Variants in MORC1 observed in about 807,000 individuals in gnomAD.
The protein encoded by MORC1 is MORC family CW-type zinc finger protein 1.
MORC1 carries 59 observed loss-of-function variants against 134.9 expected under a neutral mutation model. That is an observed-to-expected ratio of 0.44 (90% CI 0.35 to 0.54). MORC1 has a LOEUF of 0.54. Among genes scored for constraint, MORC1 ranks in the 20% least tolerant of loss-of-function variants. MORC1 has a pLI of 0.00. For synonymous variants in MORC1, 395 were observed against 391.7 expected, an observed-to-expected ratio of 1.01 and a Z score of -0.10; for missense variants, 947 against 1,134.5, an observed-to-expected ratio of 0.83 and a Z score of 2.37.
intron 15 of MORC1, 112 bp downstream of exon 15, chr3:109,035,228 G>C (rs1054188426): frequency 2.0e-6 from 2 of 1,014,218 alleles, no homozygotes; most frequent in Non-Finnish European, 2.9e-6. Flanking sequence ...GTAAACTCCT[G>C]GAAAGCAAGA....
chr3:109,111,084 G>C (rs1951160530), intron 2 of MORC1, among the ~76,000 whole-genome samples: 1 of 148,642 alleles, frequency 6.7e-6, no homozygotes, highest in Non-Finnish European at 1.5e-5. Context: ...AAAGCTGGCT[G>C]GCAAATAATC....
At chr3:109,082,167 T>C (rs1327428638) in intron 8 of MORC1, among the ~76,000 whole-genome samples, 1 of 151,910 alleles carries the variant, frequency 6.6e-6, no homozygotes, top group African/African-American at 2.4e-5. Context: ...GGCAGTGCTC[T>C]GATGATTTAC....
intron 17 of MORC1, among the ~76,000 whole-genome samples, chr3:109,016,006 C>T (rs1019413163): frequency 6.6e-6 from 1 of 152,054 alleles, no homozygotes; most frequent in Non-Finnish European, 1.5e-5. Flanking sequence ...ACATGAAAAC[C>T]ATTTATGTTT....
intron 1 of MORC1, among the ~76,000 whole-genome samples, chr3:109,114,728 T>C (rs1210403180): frequency 1.3e-5 from 2 of 152,260 alleles, no homozygotes; most frequent in Non-Finnish European, 2.9e-5. Flanking sequence ...TTAATATTAC[T>C]TTATAAGCAT....
At chr3:109,020,185 G>T (rs1948921510) in intron 17 of MORC1, among the ~76,000 whole-genome samples, 2 of 152,220 alleles carry the variant, frequency 1.3e-5, no homozygotes, top group African/African-American at 4.8e-5. Flanking sequence ...ATCTGCTCCT[G>T]TTCAGATGCA....
intron 21 of MORC1, among the ~76,000 whole-genome samples, chr3:108,990,679 G>A (rs921691979): frequency 7.9e-5 from 12 of 152,112 alleles, no homozygotes; most frequent in African/African-American, 2.9e-4. Flanking sequence ...TGGAAGCTCT[G>A]CAAAGGCAGG....
rs78730408 is a variant in MORC1 at position 109,114,520 on chromosome 3, G to T, written c.66-83C>A. ...AGCTTTAAGATTCTTGCAGACAAAC[G>T]TTCTCCAGTTCCAGACATCTAGTGA... On this transcript the variant is annotated intron_variant, in intron 1 of 27. Coordinates refer to ENST00000232603, the MANE Select transcript of MORC1 (RefSeq NM_014429.4). 9.1e-4 allele frequency: 1,067 copies of T among 1,177,986 alleles called. 6 individuals carry two copies. The African/African-American group carries it at 0.014, about 16-fold the overall frequency. 73.0% of individuals were successfully genotyped at this position (1,177,986 alleles called of 1,614,324 possible). A position where few individuals can be genotyped will look rare whatever the true frequency, so the allele number is the denominator to read the frequency against.
intron 3 of MORC1, among the ~76,000 whole-genome samples, chr3:109,110,493 G>A (rs1951138770): frequency 6.6e-6 from 1 of 152,072 alleles, no homozygotes. Context: ...GGCAAATTGA[G>A]TGCTCCAAAT....
intron 21 of MORC1, among the ~76,000 whole-genome samples, chr3:109,000,117 A>C (rs3804695): frequency 0.42 from 64,224 of 152,010 alleles, 14,281 homozygotes; most frequent in Middle Eastern, 0.55. Context: ...GGAGCATGCC[A>C]ATAATCCTTG....
At position 108,970,711 on chromosome 3, in the gene MORC1, C is replaced by G. The variant is rs145021305; in HGVS notation, c.2550+619G>C. ...CTGCACTAGGCAGCTCTTCCCTCCA[C>G]TTCTGCTGAGCAGCTTGTCAGGCAT... is the stretch of plus-strand genomic sequence containing the variant. On this transcript the variant is annotated intron_variant, in intron 25 of 27. Transcript: ENST00000232603. 1.0e-3 allele frequency among the ~76,000 whole-genome samples: 155 copies of G among 152,332 alleles called. No individual in the cohort carries two copies. In the Middle Eastern group the frequency reaches 0.01, roughly 10 times the overall value.
chr3:108,985,471 G>A (rs1228014220), intron 22 of MORC1, among the ~76,000 whole-genome samples: 3 of 152,120 alleles, frequency 2.0e-5, no homozygotes, highest in East Asian at 3.9e-4. Flanking sequence ...AGAAGTTTAG[G>A]GTTATTGAAG....
chr3:108,989,090 C>T (rs1480614936), intron 21 of MORC1, among the ~76,000 whole-genome samples: 5 of 151,354 alleles, frequency 3.3e-5, no homozygotes, highest in African/African-American at 1.2e-4. Flanking sequence ...TTATAGGATG[C>T]TGCCTTCTAT....
At chr3:109,013,192 A>G (rs1424192210) in intron 17 of MORC1, among the ~76,000 whole-genome samples, 1 of 152,038 alleles carries the variant, frequency 6.6e-6, no homozygotes, top group African/African-American at 2.4e-5. Context: ...TTTATGTTAT[A>G]TAATTATATG....
rs184709089 is a variant in MORC1 at position 109,003,211 on chromosome 3, T to C, written c.2085+1606A>G. On this transcript the variant is annotated intron_variant, in intron 20 of 27. Coordinates refer to ENST00000232603, the MANE Select transcript of MORC1 (RefSeq NM_014429.4). The stretch of plus-strand genomic sequence containing the variant: ...GTGGCAAAAACCATATGTGGTTTTA[T>C]TAGCAAATCTCCTGTGACTGGCATA... 6.0e-3 allele frequency among the ~76,000 whole-genome samples: 914 copies of C among 152,102 alleles called. 9 individuals are homozygous for C. The highest frequency in any genetic ancestry group is 0.01 in the Middle Eastern group (3 of 292).
chr3:108,980,261 A>G, intron 23 of MORC1, among the ~76,000 whole-genome samples: 1 of 152,170 alleles, frequency 6.6e-6, no homozygotes, highest in East Asian at 1.9e-4. Context: ...TTATGCTTAG[A>G]AGCTCCAGAG....
At chr3:109,093,631 C>A in intron 7 of MORC1, 90 bp from the exon 8 acceptor site, 1 of 947,664 alleles carries the variant, frequency 1.1e-6, no homozygotes, top group South Asian at 1.6e-5. Context: ...GGAACTGAGT[C>A]TGCTATAAAA....
intron 16 of MORC1, among the ~76,000 whole-genome samples, chr3:109,028,310 G>T (rs1949141184): frequency 6.6e-6 from 1 of 152,010 alleles, no homozygotes; most frequent in South Asian, 2.1e-4. Context: ...GAAACATATG[G>T]ATTATCTGTT....
intron 27 of MORC1, among the ~76,000 whole-genome samples, chr3:108,960,056 G>A (rs907936509): frequency 6.6e-6 from 1 of 152,168 alleles, no homozygotes; most frequent in African/African-American, 2.4e-5. Flanking sequence ...TTTAAAAAGA[G>A]AGAAATCAGC....
intron 11 of MORC1, among the ~76,000 whole-genome samples, chr3:109,060,645 T>C (rs1950059225): frequency 6.6e-6 from 1 of 152,182 alleles, no homozygotes; most frequent in African/African-American, 2.4e-5. Flanking sequence ...GTATTCCATT[T>C]AAAATTCATC....
Sources: allele counts gnomAD v4.1 joint callset (sites outside exome capture counted in the v4.1 genomes callset), GRCh38; gene constraint gnomAD v4.1.1; transcripts MANE v1.5; gene names NCBI Gene and HGNC (gene_info 2026-07-23, HGNC 2026-07-21).